RERE: variants seen among roughly 807,000 people sequenced by gnomAD.
The protein encoded by RERE is arginine-glutamic acid dipeptide repeats.
Under a neutral mutation model 146.1 loss-of-function variants are expected in RERE, and 40 were observed. The observed-to-expected ratio is 0.27, with a 90% CI of 0.21 to 0.36. The LOEUF (loss-of-function observed/expected upper bound fraction) is 0.36. RERE is among the 10% of genes least tolerant of loss of function. RERE has a pLI of 1.00. For missense variants in RERE, 1,933 were observed against 2,138.7 expected (o/e 0.90, Z 1.90); for synonymous variants, 1,003 against 866.0 (o/e 1.16, Z -2.78).
At chr1:8,378,956 G>C (rs891643428) in intron 12 of RERE, among the ~76,000 whole-genome samples, 3 of 152,152 alleles carry the variant, frequency 2.0e-5, no homozygotes, top group African/African-American at 7.2e-5. Flanking sequence ...AGTAATGTGG[G>C]AAACAGCAAA....
Position 8,356,134 on chromosome 1 carries a change from TG to T in RERE, c.4451del (p.Pro1484HisfsTer75). The stretch of plus-strand genomic sequence containing the variant: ...GGTGGCGAAGCATCTCGTGCTCGTG[TG>T]GGGGCTGTCCAAGCAGAGGGTTGGG... ...TLPNPLLGQP[P>X]HEHEMLRHPV... On this transcript the variant is annotated frameshift_variant, in exon 21 of 23. Transcript: ENST00000400908. LOFTEE classifies it high-confidence loss of function. The surrounding 1 kb of genome is among the most constrained non-coding windows in gnomAD (Gnocchi z 5.2). The T allele has an allele frequency of 6.6e-7, 1 of 1,511,022 alleles. No homozygotes were observed. Among genetic ancestry groups the T allele is most frequent in the Non-Finnish European group, 8.8e-7 (1 of 1,133,724 alleles). The allele number at this position is 1,511,022 out of a possible 1,614,324, so 93.6% of individuals were successfully genotyped here. A position where few individuals can be genotyped will look rare whatever the true frequency, so the allele number is the denominator to read the frequency against.
In RERE at chr1:8,376,723, T is replaced by G. The variant is rs541536376; in HGVS notation, c.1285-10749A>C. On this transcript the variant is annotated intron_variant, in intron 12 of 22. Transcript: ENST00000400908. Reference sequence around the variant, plus strand: ...CAGTGATGCCTGAGTCTAGATAAGGTAGAGTCCCTAAAGAGATACGGGCTC... The same window carrying G: ...CAGTGATGCCTGAGTCTAGATAAGGGAGAGTCCCTAAAGAGATACGGGCTC... 3.9e-5 allele frequency among the ~76,000 whole-genome samples: 6 copies of G among 152,342 alleles called. No individual in the cohort carries two copies. The South Asian group carries it at 1.2e-3, about 32-fold the overall frequency.
chr1:8,591,863 G>C (rs748404422), intron 4 of RERE, among the ~76,000 whole-genome samples: 1 of 151,974 alleles, frequency 6.6e-6, no homozygotes, highest in Non-Finnish European at 1.5e-5. Flanking sequence ...ACAGAAATCT[G>C]CACATGCTGA....
intron 1 of RERE, among the ~76,000 whole-genome samples, chr1:8,697,049 T>C (rs2124430691): frequency 6.6e-6 from 1 of 152,214 alleles, no homozygotes; most frequent in East Asian, 1.9e-4. Flanking sequence ...GAGTAAATAC[T>C]GTTAAGAGTC....
chr1:8,385,270 A>C (rs1162564956), intron 12 of RERE, among the ~76,000 whole-genome samples: 1 of 152,252 alleles, frequency 6.6e-6, no homozygotes, highest in Non-Finnish European at 1.5e-5. Flanking sequence ...CAGTGTAACA[A>C]ATAACTTGAT....
chr1:8,446,355 C>A (rs1012333831), intron 11 of RERE, among the ~76,000 whole-genome samples: 2 of 151,580 alleles, frequency 1.3e-5, no homozygotes, highest in African/African-American at 4.9e-5. Flanking sequence ...TTACTCTTCT[C>A]ATCTGATATG....
At chr1:8,416,401 T>G (rs113334888) in intron 12 of RERE, among the ~76,000 whole-genome samples, 9 of 152,020 alleles carry the variant, frequency 5.9e-5, no homozygotes, top group African/African-American at 1.2e-4. Context: ...CTGGTTAACA[T>G]GGTGAAAACC....
At chr1:8,591,075 G>C (rs2124099869) in intron 4 of RERE, among the ~76,000 whole-genome samples, 2 of 152,314 alleles carry the variant, frequency 1.3e-5, no homozygotes, top group South Asian at 4.1e-4. Context: ...AAAGAGGAAA[G>C]CCAGCAGACC....
chr1:8,379,513 A>G (rs1642372672), intron 12 of RERE, among the ~76,000 whole-genome samples: 1 of 152,224 alleles, frequency 6.6e-6, no homozygotes, highest in African/African-American at 2.4e-5. Flanking sequence ...GTAATTTATG[A>G]AAACAGCCAT....
chr1:8,434,593 C>G (rs1644142360), intron 11 of RERE: 1 of 152,246 alleles, frequency 6.6e-6, no homozygotes, highest in African/African-American at 2.4e-5. Context: ...TTCTCTCCTC[C>G]TGAGCCTGGG....
rs527933736 is a variant in RERE at position 8,750,401 on chromosome 1, A to C, written c.-145+66759T>G. On this transcript the variant is annotated intron_variant, in intron 1 of 22. Transcript: ENST00000400908. The stretch of plus-strand genomic sequence containing the variant: ...GTCACAAACCCAGTAGTCTTTTAAA[A>C]ACCAGTAGCCTCTTTTTCCGGCTGG... The C allele has an allele frequency of 4.2e-6, 3 of 719,144 alleles. No individual in the cohort carries two copies. In the South Asian group the frequency reaches 4.6e-5, roughly 11 times the overall value. The allele number at this position is 719,144 out of a possible 1,614,324, so 44.5% of individuals were successfully genotyped here. A position where few individuals can be genotyped will look rare whatever the true frequency, so the allele number is the denominator to read the frequency against.
intron 7 of RERE, among the ~76,000 whole-genome samples, chr1:8,518,108 C>T (rs1645444984): frequency 6.6e-6 from 1 of 152,178 alleles, no homozygotes; most frequent in Admixed American, 6.5e-5. Context: ...TCACCAAAGA[C>T]GCCCAAAGAT....
intron 9 of RERE, 107 bp from the exon 10 acceptor site, chr1:8,495,269 C>T (rs1645030428): frequency 1.3e-6 from 1 of 780,686 alleles, no homozygotes. Context: ...AATTCCATTA[C>T]TACACGCATG....
At chr1:8,701,183 G>A (rs1050038286) in intron 1 of RERE, among the ~76,000 whole-genome samples, 1 of 152,026 alleles carries the variant, frequency 6.6e-6, no homozygotes, top group Non-Finnish European at 1.5e-5. Flanking sequence ...GAGCCTTACT[G>A]ATACGTTGAT....
rs558266674 is a variant in RERE at position 8,462,754 on chromosome 1, A to G, written c.1203+3171T>C. The stretch of plus-strand genomic sequence containing the variant: ...ATGCCAGCGGCAGCGAAGTTTAGTA[A>G]TAAGTAGCCAGGCATTGTGGCTTGC... On this transcript the variant is annotated intron_variant, in intron 11 of 22. Transcript: ENST00000400908. 2.0e-5 allele frequency among the ~76,000 whole-genome samples: 3 copies of G among 152,334 alleles called. No homozygotes were observed. In the East Asian group the frequency reaches 5.8e-4, roughly 29 times the overall value.
chr1:8,512,012 C>CATTTTTTTTTT (rs1645344058), intron 7 of RERE: 2 of 57,334 alleles, frequency 3.5e-5, no homozygotes, highest in Admixed American at 3.9e-4. Context: ...GTAGGAAACA[C>CATTTTTTTTTT]TCTTTTTTTT....
At chr1:8,804,118 A>G (rs1641640011) in intron 1 of RERE, among the ~76,000 whole-genome samples, 1 of 152,228 alleles carries the variant, frequency 6.6e-6, no homozygotes, top group Admixed American at 6.5e-5. Flanking sequence ...GTCTTTAATC[A>G]TATGTGTATA....
chr1:8,584,321 T>G (rs574862101), intron 4 of RERE, among the ~76,000 whole-genome samples: 7 of 152,188 alleles, frequency 4.6e-5, no homozygotes, highest in African/African-American at 1.7e-4. Flanking sequence ...TTTGGGAGGC[T>G]CAGGCAGGAG....
intron 1 of RERE, among the ~76,000 whole-genome samples, chr1:8,665,153 G>A (rs913725920): frequency 3.9e-5 from 6 of 152,144 alleles, no homozygotes; most frequent in East Asian, 1.9e-4. Flanking sequence ...CTCTTCGTCT[G>A]GCCTAGGTGC....
Sources: gnomAD v4.1 joint callset for allele counts (sites outside exome capture counted in the v4.1 genomes callset) on GRCh38, gnomAD v4.1.1 for gene constraint, Gnocchi (gnomAD v3.1) non-coding constraint, MANE v1.5 for transcripts, NCBI Gene and HGNC (gene_info 2026-07-23, HGNC 2026-07-21) for gene names.